TRIM40: variants seen among roughly 807,000 people sequenced by gnomAD.
TRIM40 encodes the protein tripartite motif containing 40.
Under a neutral mutation model 26.1 loss-of-function variants are expected in TRIM40, and 27 were observed. The observed-to-expected ratio is 1.04, with a 90% CI of 0.76 to 1.43. The LOEUF (loss-of-function observed/expected upper bound fraction) is 1.43. TRIM40 is among the 40% of genes most tolerant of loss of function. The probability of loss-of-function intolerance (pLI) is 0.00; values close to 1 mark genes in which losing one functional copy is unlikely to be tolerated. For missense variants in TRIM40, 289 were observed against 307.9 expected, an observed-to-expected ratio of 0.94 and a Z score of 0.46; for synonymous variants, 114 against 120.0, an observed-to-expected ratio of 0.95 and a Z score of 0.33.
chr6:30,147,862 C>T lies in TRIM40; in HGVS notation c.*50C>T. On this transcript the variant is annotated 3_prime_UTR_variant, in exon 6 of 6. Transcript: ENST00000396581. The stretch of plus-strand genomic sequence containing the variant: ...CTTCAGGCTCACCTCAGCCTCCTCT[C>T]TCTCCTTCCTCCAACCTGTCCAGGC... The T allele has an allele frequency of 6.5e-7, 1 of 1,530,690 alleles. No individual in the cohort carries two copies. Among genetic ancestry groups the T allele is most frequent in the South Asian group, 1.1e-5 (1 of 89,396 alleles). The allele number at this position is 1,530,690 out of a possible 1,614,324, so 94.8% of individuals were successfully genotyped here. A position where few individuals can be genotyped will look rare whatever the true frequency, so the allele number is the denominator to read the frequency against.
intron 2 of TRIM40, among the ~76,000 whole-genome samples, chr6:30,144,823 C>A (rs1232820574): frequency 6.6e-6 from 1 of 152,214 alleles, no homozygotes; most frequent in Non-Finnish European, 1.5e-5. Flanking sequence ...GCTGTTTGTG[C>A]TTTTCAGGAC....
At chr6:30,140,684 G>A (rs1473943171) in intron 2 of TRIM40, among the ~76,000 whole-genome samples, 1 of 152,130 alleles carries the variant, frequency 6.6e-6, no homozygotes, top group Non-Finnish European at 1.5e-5. Context: ...AAACCTGCAT[G>A]TTCTGTCCAT....
rs1771039157 is a variant in TRIM40, at chr6:30,136,993, A to C, written c.-44A>C. 6.3e-7 allele frequency: 1 copy of C among 1,579,884 alleles called. No individual in the cohort carries two copies. Among genetic ancestry groups the C allele is most frequent in the Non-Finnish European group, 8.6e-7 (1 of 1,160,100 alleles). On this transcript the variant is annotated 5_prime_UTR_variant, in exon 2 of 6. Coordinates refer to ENST00000396581, the MANE Select transcript of TRIM40 (RefSeq NM_001286633.2). ...CAGGCCTTCCGAAGACCAGTGAAGA[A>C]GGAGGCCCTGCAAACAGGAGGCTGA...
At chr6:30,147,235 G>A in intron 4 of TRIM40, 26 bp downstream of exon 4, 2 of 1,613,116 alleles carry the variant, frequency 1.2e-6, no homozygotes, top group African/African-American at 1.3e-5. Context: ...CCTTCCCCAA[G>A]GGCTGGGATT....
chr6:30,144,036 G>C (rs1034898986), intron 2 of TRIM40, among the ~76,000 whole-genome samples: 1 of 152,104 alleles, frequency 6.6e-6, no homozygotes, highest in African/African-American at 2.4e-5. Flanking sequence ...GAAGTAAAAG[G>C]CCATGAGGAG....
intron 2 of TRIM40, among the ~76,000 whole-genome samples, chr6:30,142,418 A>AT (rs1429606736): frequency 6.6e-6 from 1 of 152,170 alleles, no homozygotes; most frequent in African/African-American, 2.4e-5. Flanking sequence ...CGCTGTCTGC[A>AT]TTTTCCCCTA....
rs1771770411 is a variant in TRIM40 at position 30,147,888 on chromosome 6, C to T, written c.*76C>T. 1.5e-6 allele frequency: 2 copies of T among 1,305,454 alleles called. No homozygotes were observed. The highest frequency in any genetic ancestry group is 2.2e-6 in the Non-Finnish European group (2 of 900,898). 80.9% of individuals were successfully genotyped at this position (1,305,454 alleles called of 1,614,324 possible). On this transcript the variant is annotated 3_prime_UTR_variant, in exon 6 of 6. Coordinates refer to ENST00000396581, the MANE Select transcript of TRIM40 (RefSeq NM_001286633.2). ...TCTCCTTCCTCCAACCTGTCCAGGC[C>T]CCCACTGGGTCTACCCAGTGCATCT...
intron 2 of TRIM40, among the ~76,000 whole-genome samples, chr6:30,143,431 C>CTTTTTTTTTTTT (rs9278593): frequency 8.6e-6 from 1 of 116,456 alleles, no homozygotes; most frequent in Non-Finnish European, 1.8e-5. Context: ...GTTAATTTTT[C>CTTTTTTTTTTTT]TTTTTTTTTT....
rs1562087932 is a variant in TRIM40 at position 30,137,333 on chromosome 6, C to T, written c.297C>T (p.His99=). The change falls in exon 2 of 6, where the codon CAC becomes CAT. Residue 99 remains histidine, a synonymous_variant. Coordinates refer to ENST00000396581, the MANE Select transcript of TRIM40 (RefSeq NM_001286633.2). The part of the protein sequence containing the change: ...LCVECLVSPE[H]MSHHELTIEN... ...TGGAATGCCTGGTGTCCCCTGAACA[C>T]ATGTCTCATCATGAACTGACCATTG... 1 of 1,613,000 alleles carries T rather than the reference C, an allele frequency of 6.2e-7. No individual in the cohort carries two copies. Among genetic ancestry groups the T allele is most frequent in the East Asian group, 2.2e-5 (1 of 44,884 alleles).
At chr6:30,142,446 C>A (rs1175866982) in intron 2 of TRIM40, among the ~76,000 whole-genome samples, 1 of 152,184 alleles carries the variant, frequency 6.6e-6, no homozygotes, top group East Asian at 1.9e-4. Flanking sequence ...GGCATAAATT[C>A]TACATGATTG....
chr6:30,136,533 G>A (rs999247847), intron 1 of TRIM40, 200 bp from the exon 2 acceptor site: 1 of 160,366 alleles, frequency 6.2e-6, no homozygotes, highest in African/African-American at 2.4e-5. Flanking sequence ...TGACAGTGTA[G>A]GAGAAAACAG....
At chr6:30,144,202 T>A (rs1045105544) in intron 2 of TRIM40, among the ~76,000 whole-genome samples, 1 of 152,166 alleles carries the variant, frequency 6.6e-6, no homozygotes, top group South Asian at 2.1e-4. Context: ...CTTATCTTTG[T>A]TGCTGAGAAG....
intron 2 of TRIM40, among the ~76,000 whole-genome samples, chr6:30,142,089 G>T (rs1461662562): frequency 6.8e-6 from 1 of 147,926 alleles, no homozygotes; most frequent in African/African-American, 2.4e-5. Context: ...GCGTAATTTT[G>T]AAATTAAGGA....
In TRIM40 at chr6:30,147,729, G is replaced by A; in HGVS notation, c.694G>A (p.Ala232Thr). ...KNAGDLLNRSAPQKLEVIYPQ... is the reference protein window; with the variant it reads ...KNAGDLLNRSTPQKLEVIYPQ... ...GAAAGATTTCTTTGTTTCTAGGAGT[G>A]CTCCACAGAAATTAGAGGTTATTTA... is the stretch of plus-strand genomic sequence containing the variant. The change falls in exon 6 of 6, where the codon GCT (alanine) becomes ACT (threonine). Residue 232 changes from alanine to threonine, a missense_variant. Physicochemically the swap from Ala to Thr is moderately conservative, Grantham distance 58. Transcript: ENST00000396581. 2 of 1,614,088 alleles carry A rather than the reference G, an allele frequency of 1.2e-6. No individual in the cohort carries two copies. The highest frequency in any genetic ancestry group is 1.7e-6 in the Non-Finnish European group (2 of 1,179,928).
In TRIM40 at chr6:30,137,332, A is replaced by ACATGTCT. The variant is rs757375490; in HGVS notation, c.300_306dup (p.His103ValfsTer4). On this transcript the variant is annotated frameshift_variant, in exon 2 of 6. Coordinates refer to ENST00000396581, the MANE Select transcript of TRIM40 (RefSeq NM_001286633.2). LOFTEE classifies it high-confidence loss of function. ...GTGGAATGCCTGGTGTCCCCTGAAC[A>ACATGTCT]CATGTCTCATCATGAACTGACCATT... 4.8e-5 allele frequency: 78 copies of ACATGTCT among 1,612,930 alleles called. No homozygotes were observed. The highest frequency in any genetic ancestry group is 6.4e-5 in the Non-Finnish European group (75 of 1,180,026).
intron 2 of TRIM40, among the ~76,000 whole-genome samples, chr6:30,143,738 C>T (rs1281756266): frequency 6.6e-6 from 1 of 151,482 alleles, no homozygotes; most frequent in African/African-American, 2.4e-5. Flanking sequence ...TTATATGCAC[C>T]CATTAAATAC....
chr6:30,137,453 G>A, intron 2 of TRIM40, 72 bp downstream of exon 2: 3 of 1,329,606 alleles, frequency 2.3e-6, no homozygotes, highest in Non-Finnish European at 3.2e-6. Context: ...TGTTCATCAT[G>A]CCTGGCACCT....
In TRIM40 at chr6:30,137,134, T is replaced by G. The variant is rs750859302; in HGVS notation, c.98T>G (p.Phe33Cys). 3 of 1,612,914 alleles carry G rather than the reference T, an allele frequency of 1.9e-6. No homozygotes were observed. The highest frequency in any genetic ancestry group is 2.5e-6 in the Non-Finnish European group (3 of 1,180,022). ...GTGAGCACCAACTGCGGACATCTCT[T>G]CTGTCGAGTGTGCCTGACACAGCAT... is the stretch of plus-strand genomic sequence containing the variant. ...EAVSTNCGHL[F>C]CRVCLTQHVE... Residue 33 changes from phenylalanine (F) to cysteine (C), a missense_variant, in exon 2 of 6, where the codon TTC (phenylalanine) becomes TGC (cysteine). By Grantham distance (205) the Phe-to-Cys change is radical. Transcript: ENST00000396581.
intron 2 of TRIM40, among the ~76,000 whole-genome samples, chr6:30,139,557 G>A (rs1456950166): frequency 6.6e-6 from 1 of 151,990 alleles, no homozygotes; most frequent in African/African-American, 2.4e-5. Flanking sequence ...TGGCCAGGCT[G>A]GTCTTGAACT....
Sources: gnomAD v4.1 joint callset for allele counts (sites outside exome capture counted in the v4.1 genomes callset) on GRCh38, gnomAD v4.1.1 for gene constraint, MANE v1.5 for transcripts, NCBI Gene and HGNC (gene_info 2026-07-23, HGNC 2026-07-21) for gene names.